OGDH: variants seen among roughly 807,000 people sequenced by gnomAD.
The protein encoded by OGDH is 2-oxoglutarate dehydrogenase complex component E1.
Under a neutral mutation model 116.6 loss-of-function variants are expected in OGDH, and 38 were observed. The ratio of observed to expected loss-of-function variants is 0.33; its 90% CI spans 0.25 to 0.43. The LOEUF (loss-of-function observed/expected upper bound fraction) is 0.43. Ranked by LOEUF, OGDH falls within the 20% of genes least tolerant of loss-of-function variation. The pLI, the probability that OGDH is intolerant of heterozygous loss-of-function variation, is 1.00. For missense variants in OGDH, 825 were observed against 1,357.2 expected (o/e 0.61, Z 6.16); for synonymous variants, 488 against 533.3 (o/e 0.92, Z 1.17).
intron 4 of OGDH, among the ~76,000 whole-genome samples, chr7:44,659,457 A>T (rs1786840273): frequency 6.6e-6 from 1 of 152,198 alleles, no homozygotes; most frequent in African/African-American, 2.4e-5. Context: ...CAGTAAATAG[A>T]ATTGGTGTTA....
At chr7:44,684,295 G>A (rs1788044278) in intron 10 of OGDH, among the ~76,000 whole-genome samples, 1 of 152,094 alleles carries the variant, frequency 6.6e-6, no homozygotes, top group Non-Finnish European at 1.5e-5. Flanking sequence ...TTATAAAGAT[G>A]ATTTGTTATA....
At chr7:44,642,065 C>T (rs377571156) in intron 2 of OGDH, among the ~76,000 whole-genome samples, 4 of 152,208 alleles carry the variant, frequency 2.6e-5, no homozygotes, top group African/African-American at 9.7e-5. Flanking sequence ...GTGAGAATCT[C>T]TTTGGAGATT....
chr7:44,656,340 A>G, intron 4 of OGDH: 1 of 1,536,024 alleles, frequency 6.5e-7, no homozygotes, highest in South Asian at 1.2e-5. Flanking sequence ...TCAAGGAACG[A>G]CTTCGAATGC....
chr7:44,681,715 T>C lies in OGDH; in HGVS notation c.1207-5T>C. ...TGGATTTGGGGTCTCCTTTGGTGTT[T>C]ACAGGTCATGTCCATCCTGTTGCAT... On this transcript the variant is annotated splice_region_variant and splice_polypyrimidine_tract_variant and intron_variant, in intron 9 of 22. Transcript: ENST00000222673. 1 of 1,613,844 alleles carries C rather than the reference T, an allele frequency of 6.2e-7. No homozygotes were observed. Among genetic ancestry groups the C allele is most frequent in the Non-Finnish European group, 8.5e-7 (1 of 1,179,832 alleles).
Position 44,708,087 on chromosome 7 carries a change from GC to G in OGDH, c.*91del. 1 of 1,512,506 alleles carries G rather than the reference GC, an allele frequency of 6.6e-7. No individual in the cohort carries two copies. The highest frequency in any genetic ancestry group is 8.9e-7 in the Non-Finnish European group (1 of 1,124,720). 93.7% of individuals were successfully genotyped at this position (1,512,506 alleles called of 1,614,324 possible). A position where few individuals can be genotyped will look rare whatever the true frequency, so the allele number is the denominator to read the frequency against. On this transcript the variant is annotated 3_prime_UTR_variant, in exon 23 of 23. Transcript: ENST00000222673. ...AACTAAAGAATAGTGCCTCAGCGCT[GC>G]CCACACCACCGCCCTCCTCGCTGTG... is the stretch of plus-strand genomic sequence containing the variant.
chr7:44,651,956 C>T (rs759093649), intron 4 of OGDH, among the ~76,000 whole-genome samples: 9 of 151,770 alleles, frequency 5.9e-5, no homozygotes, highest in Non-Finnish European at 1.2e-4. Context: ...CACCTGCCTC[C>T]GCCTCCCAAA....
Position 44,707,495 on chromosome 7 carries a change from C to G in OGDH, c.2797-87C>G, listed in dbSNP as rs552594910. 6 of 1,595,580 alleles carry G rather than the reference C, an allele frequency of 3.8e-6. No homozygotes were observed. The highest frequency in any genetic ancestry group is 4.5e-5 in the East Asian group (2 of 44,730). Reference sequence around the variant, plus strand: ...GTGTGGCCCTCAGGTTCCTGACCTTCCCTGCTCGGAACACCAGTTTCCCTT... The same window carrying G: ...GTGTGGCCCTCAGGTTCCTGACCTTGCCTGCTCGGAACACCAGTTTCCCTT... On this transcript the variant is annotated intron_variant, in intron 21 of 22. Coordinates refer to ENST00000222673, the MANE Select transcript of OGDH (RefSeq NM_002541.4). This position sits in a 1 kb window ranked among gnomAD's most constrained non-coding sequence, Gnocchi z 5.2.
chr7:44,624,046 T>G (rs1207178679), intron 1 of OGDH, among the ~76,000 whole-genome samples: 1 of 152,100 alleles, frequency 6.6e-6, no homozygotes, highest in East Asian at 1.9e-4. Flanking sequence ...AGAGTGTGTT[T>G]CAGTTTCACA....
Position 44,697,311 on chromosome 7 carries a change from C to T in OGDH, c.2052-59C>T. The T allele has an allele frequency of 6.2e-7, 1 of 1,606,890 alleles. No individual in the cohort carries two copies. The highest frequency in any genetic ancestry group is 8.5e-7 in the Non-Finnish European group (1 of 1,175,136). On this transcript the variant is annotated intron_variant, in intron 15 of 22. Coordinates refer to ENST00000222673, the MANE Select transcript of OGDH (RefSeq NM_002541.4). This position sits in a 1 kb window ranked among gnomAD's most constrained non-coding sequence, Gnocchi z 6.0. ...TCTGCTGGTGCTTCGTGCGGGTCCC[C>T]AGCGTATTTGCTTGTCAAGTCAGAG...
intron 5 of OGDH, among the ~76,000 whole-genome samples, 167 bp downstream of exon 5, chr7:44,667,018 C>T (rs1441535491): frequency 6.6e-6 from 1 of 152,106 alleles, no homozygotes; most frequent in Non-Finnish European, 1.5e-5. Context: ...CACAGTTTGG[C>T]TCACTGCAGC....
intron 1 of OGDH, chr7:44,622,903 G>T (rs1343877521): frequency 6.6e-6 from 1 of 152,204 alleles, no homozygotes; most frequent in South Asian, 2.1e-4. Context: ...GAAGCTATCT[G>T]TAAAGTGAAA....
chr7:44,681,278 C>T (rs1021298387), intron 9 of OGDH, among the ~76,000 whole-genome samples: 3 of 152,212 alleles, frequency 2.0e-5, no homozygotes, highest in African/African-American at 4.8e-5. Context: ...ATGTCCTTCC[C>T]AAGTGGGGAC....
At chr7:44,652,626 C>T (rs1786501835) in intron 4 of OGDH, among the ~76,000 whole-genome samples, 1 of 151,954 alleles carries the variant, frequency 6.6e-6, no homozygotes, top group African/African-American at 2.4e-5. Context: ...GTCTCAGACT[C>T]CTGGGCTCAA....
Position 44,666,804 on chromosome 7 carries a change from G to A in OGDH, c.586G>A (p.Gly196Arg). 1 of 1,613,136 alleles carries A rather than the reference G, an allele frequency of 6.2e-7. No individual in the cohort carries two copies. The change falls in exon 5 of 23, where the codon GGA (glycine) becomes AGA (arginine). Residue 196 changes from glycine to arginine, a missense_variant. Transcript: ENST00000222673. Reference protein sequence around the residue: ...FHLPTTTFIGGQESALPLREI... With the variant: ...FHLPTTTFIGRQESALPLREI... ...CTTGCCCACCACCACTTTCATCGGG[G>A]GACAGGAATCAGCACTTCCTCTGCG...
chr7:44,628,619 A>G (rs542471470), intron 2 of OGDH, among the ~76,000 whole-genome samples: 46 of 151,776 alleles, frequency 3.0e-4, no homozygotes, highest in African/African-American at 1.0e-3. Context: ...TTAAAAAAAT[A>G]AAAAAATGTA....
chr7:44,643,897 T>G (rs1198421293), intron 2 of OGDH, among the ~76,000 whole-genome samples: 1 of 152,216 alleles, frequency 6.6e-6, no homozygotes, highest in Non-Finnish European at 1.5e-5. Flanking sequence ...AAAAACAATG[T>G]TTCTATTTTT....
chr7:44,673,785 A>G lies in OGDH; in HGVS notation c.634-2A>G. ...TTGACTGTGTGTTTCTGTATGGAAT[A>G]GATGGCCTACTGCCAGCATATTGGG... On this transcript the variant is annotated splice_acceptor_variant, in intron 5 of 22. Transcript: ENST00000222673. LOFTEE classifies it high-confidence loss of function. 6.2e-7 allele frequency: 1 copy of G among 1,614,198 alleles called. No homozygotes were observed. Among genetic ancestry groups the G allele is most frequent in the Non-Finnish European group, 8.5e-7 (1 of 1,179,998 alleles).
chr7:44,634,588 A>G (rs1785583682), intron 2 of OGDH, among the ~76,000 whole-genome samples: 1 of 152,232 alleles, frequency 6.6e-6, no homozygotes. Context: ...TCTGTCACCT[A>G]TAATGACTAA....
At chr7:44,647,384 T>C (rs1786231392) in intron 3 of OGDH, 3 of 1,192,824 alleles carry the variant, frequency 2.5e-6, no homozygotes, top group African/African-American at 1.5e-5. Flanking sequence ...TGTGACTCTT[T>C]TAACCCTCCC....
Sources: allele counts gnomAD v4.1 joint callset (sites outside exome capture counted in the v4.1 genomes callset), GRCh38; gene constraint gnomAD v4.1.1; non-coding constraint Gnocchi (gnomAD v3.1); transcripts MANE v1.5; gene names NCBI Gene and HGNC (gene_info 2026-07-23, HGNC 2026-07-21).